PDE4B: variants seen among roughly 807,000 people sequenced by gnomAD.
PDE4B encodes the protein 3',5'-cyclic-AMP phosphodiesterase 4B.
PDE4B carries 20 observed loss-of-function variants against 82.2 expected under a neutral mutation model. The observed-to-expected ratio is 0.24, with a 90% CI of 0.17 to 0.35. The LOEUF (loss-of-function observed/expected upper bound fraction) is 0.35, where lower values mean the gene tolerates loss of function less well. Ranked by LOEUF, PDE4B falls within the 10% of genes least tolerant of loss-of-function variation. The pLI, the probability that PDE4B is intolerant of heterozygous loss-of-function variation, is 1.00. For missense variants in PDE4B, 655 were observed against 907.2 expected, an observed-to-expected ratio of 0.72 and a Z score of 3.57; for synonymous variants, 320 against 318.9, an observed-to-expected ratio of 1.00 and a Z score of -0.04.
intron 3 of PDE4B, among the ~76,000 whole-genome samples, chr1:66,238,857 C>T (rs1438126745): frequency 6.6e-6 from 1 of 152,148 alleles, no homozygotes; most frequent in African/African-American, 2.4e-5. Context: ...TTCATTATGT[C>T]AGTGGTTACT....
rs915582902 is a variant in PDE4B at position 66,139,463 on chromosome 1, T to A, written c.282-107997T>A. Among the ~76,000 whole-genome samples the A allele has an allele frequency of 2.0e-5, 3 of 152,156 alleles. No individual in the cohort carries two copies. In the South Asian group the frequency reaches 6.2e-4, roughly 32 times the overall value. ...AAATCTCCTGGGCTTTCCACATCGC[T>A]CTCCCTCCAGTAGGAGAATGTTCTC... On this transcript the variant is annotated intron_variant, in intron 3 of 16. Coordinates refer to ENST00000341517, the MANE Select transcript of PDE4B (RefSeq NM_002600.4).
intron 7 of PDE4B, among the ~76,000 whole-genome samples, chr1:66,295,001 G>C (rs1003613833): frequency 7.9e-5 from 12 of 152,266 alleles, no homozygotes; most frequent in Non-Finnish European, 1.5e-5. Context: ...TTCATTTTGT[G>C]TGTATATTTT....
chr1:66,029,241 G>T (rs181535840), intron 3 of PDE4B, among the ~76,000 whole-genome samples: 8 of 152,194 alleles, frequency 5.3e-5, no homozygotes, highest in Non-Finnish European at 2.9e-5. Context: ...ATCAGATTTC[G>T]TGAGACATAT....
chr1:65,987,806 G>T (rs1651033734), intron 3 of PDE4B, among the ~76,000 whole-genome samples: 1 of 152,100 alleles, frequency 6.6e-6, no homozygotes, highest in South Asian at 2.1e-4. Flanking sequence ...TAGAGGCGGG[G>T]TTTCACCATG....
At chr1:66,190,876 A>T (rs1036061061) in intron 3 of PDE4B, among the ~76,000 whole-genome samples, 1 of 151,940 alleles carries the variant, frequency 6.6e-6, no homozygotes, top group African/African-American at 2.4e-5. Flanking sequence ...CCCCAGTAAG[A>T]TGAACCCGGT....
intron 3 of PDE4B, among the ~76,000 whole-genome samples, chr1:66,157,060 TCTC>T: frequency 6.6e-6 from 1 of 152,310 alleles, no homozygotes; most frequent in South Asian, 2.1e-4. Flanking sequence ...TAGATAGGCA[TCTC>T]AAACTTACAA....
chr1:66,085,686 A>G (rs994422957), intron 3 of PDE4B, among the ~76,000 whole-genome samples: 6 of 152,092 alleles, frequency 3.9e-5, no homozygotes, highest in African/African-American at 1.2e-4. Flanking sequence ...AGGTTGCTGT[A>G]GGAAACAGAG....
At chr1:66,005,440 A>G (rs1652097937) in intron 3 of PDE4B, among the ~76,000 whole-genome samples, 1 of 152,192 alleles carries the variant, frequency 6.6e-6, no homozygotes, top group Non-Finnish European at 1.5e-5. Context: ...TTAAGGATGA[A>G]AACAAAAATA....
intron 16 of PDE4B, 117 bp downstream of exon 16, chr1:66,369,086 A>G: frequency 6.9e-6 from 5 of 726,758 alleles, no homozygotes; most frequent in Non-Finnish European, 1.1e-5. Flanking sequence ...TAAGGAGACA[A>G]CTACGCATTT....
chr1:65,979,369 C>T (rs904266455), intron 3 of PDE4B, among the ~76,000 whole-genome samples: 1 of 152,150 alleles, frequency 6.6e-6, no homozygotes, highest in Non-Finnish European at 1.5e-5. Flanking sequence ...TCTGAAAGAG[C>T]GAATCCTGCT....
chr1:66,224,913 G>C (rs938771326), intron 3 of PDE4B, among the ~76,000 whole-genome samples: 1 of 152,184 alleles, frequency 6.6e-6, no homozygotes, highest in African/African-American at 2.4e-5. Context: ...ATGCCCGTCT[G>C]TCGCATTCTT....
intron 3 of PDE4B, among the ~76,000 whole-genome samples, chr1:66,213,273 C>T (rs938612030): frequency 1.3e-5 from 2 of 152,130 alleles, no homozygotes; most frequent in Non-Finnish European, 2.9e-5. Context: ...AGTGTTTTTG[C>T]TCCCTTCAGA....
intron 3 of PDE4B, among the ~76,000 whole-genome samples, chr1:66,098,249 T>A (rs1645155294): frequency 2.0e-5 from 3 of 152,132 alleles, no homozygotes; most frequent in Admixed American, 2.0e-4. Flanking sequence ...TCTCTGGTAC[T>A]TGTTCTTGCA....
chr1:66,205,209 C>T (rs914748086), intron 3 of PDE4B, among the ~76,000 whole-genome samples: 2 of 152,192 alleles, frequency 1.3e-5, no homozygotes, highest in Non-Finnish European at 2.9e-5. Context: ...ATATACAGCA[C>T]AGGCTGGGGC....
At chr1:66,329,313 T>A (rs902274557) in intron 7 of PDE4B, among the ~76,000 whole-genome samples, 1 of 152,220 alleles carries the variant, frequency 6.6e-6, no homozygotes, top group Admixed American at 6.5e-5. Context: ...CCCTGTGTTA[T>A]CTTTGCAATT....
chr1:66,281,538 C>T (rs17128736), intron 7 of PDE4B, among the ~76,000 whole-genome samples: 5,711 of 152,254 alleles, frequency 0.038, 125 homozygotes, highest in Middle Eastern at 0.068. Flanking sequence ...TTTCCTCATT[C>T]GGAAGAAGGG....
chr1:65,892,054 A>G (rs191373096), intron 1 of PDE4B, among the ~76,000 whole-genome samples: 13 of 152,124 alleles, frequency 8.5e-5, no homozygotes. Context: ...GTAAGAGAAA[A>G]TCTTATAATA....
rs573132360 is a variant in PDE4B, at chr1:65,928,939, G to A, written c.281+10104G>A. On this transcript the variant is annotated intron_variant, in intron 3 of 16. Transcript: ENST00000341517. ...GTAGTGGGCCCAAATTAATAAATTC[G>A]GCCTGATCCAACTCTGTATTCCTTC... 3.3e-5 allele frequency among the ~76,000 whole-genome samples: 5 copies of A among 152,202 alleles called. No individual in the cohort carries two copies. In the South Asian group the frequency reaches 1.0e-3, roughly 32 times the overall value.
intron 1 of PDE4B, among the ~76,000 whole-genome samples, chr1:65,879,731 A>T (rs1646689176): frequency 6.6e-6 from 1 of 152,216 alleles, no homozygotes; most frequent in African/African-American, 2.4e-5. Flanking sequence ...TACAAGGAAT[A>T]TGGAAGAAAG....
Sources: gnomAD v4.1 joint callset for allele counts (sites outside exome capture counted in the v4.1 genomes callset) on GRCh38, gnomAD v4.1.1 for gene constraint, MANE v1.5 for transcripts, NCBI Gene and HGNC (gene_info 2026-07-23, HGNC 2026-07-21) for gene names.